Variants in DZIP3 observed in about 807,000 individuals in gnomAD.
The protein encoded by DZIP3 is E3 ubiquitin-protein ligase DZIP3.
A neutral mutation model predicts 162.0 loss-of-function variants in DZIP3; 118 were observed. The observed-to-expected ratio is 0.73, with a 90% CI of 0.63 to 0.85. The LOEUF (loss-of-function observed/expected upper bound fraction) is 0.85, where lower values mean the gene tolerates loss of function less well. DZIP3 is among the 40% of genes least tolerant of loss of function. The pLI, the probability that DZIP3 is intolerant of heterozygous loss-of-function variation, is 0.00. For missense variants in DZIP3, 1,331 were observed against 1,407.0 expected, an observed-to-expected ratio of 0.95 and a Z score of 0.86; for synonymous variants, 438 against 458.6, an observed-to-expected ratio of 0.96 and a Z score of 0.57.
intron 1 of DZIP3, chr3:108,590,063 C>G (rs958033005): frequency 6.6e-6 from 1 of 152,198 alleles, no homozygotes; most frequent in African/African-American, 2.4e-5. Flanking sequence ...CCAGGTATTG[C>G]TCCGGAGGGT....
chr3:108,623,484 A>T (rs1941460620), intron 5 of DZIP3, among the ~76,000 whole-genome samples: 1 of 152,120 alleles, frequency 6.6e-6, no homozygotes, highest in South Asian at 2.1e-4. Context: ...GAGCCTCAGG[A>T]TTCTACTGTG....
intron 21 of DZIP3, among the ~76,000 whole-genome samples, chr3:108,667,376 G>C (rs936685370): frequency 3.3e-5 from 5 of 152,074 alleles, no homozygotes; most frequent in African/African-American, 1.2e-4. Flanking sequence ...TATGCTGATT[G>C]AAAAAAGCCA....
chr3:108,667,878 T>C (rs2107331225), intron 21 of DZIP3, among the ~76,000 whole-genome samples: 1 of 152,128 alleles, frequency 6.6e-6, no homozygotes, highest in South Asian at 2.1e-4. Flanking sequence ...AACCTAGGCA[T>C]TGAAGGTTAG....
intron 3 of DZIP3, among the ~76,000 whole-genome samples, chr3:108,608,921 A>T (rs1388345448): frequency 6.6e-6 from 1 of 152,198 alleles, no homozygotes. Flanking sequence ...TAGGCTGGAC[A>T]GGAGGGGGCA....
rs1942524473 is a variant in DZIP3 at position 108,644,305 on chromosome 3, A to C, written c.1283A>C (p.His428Pro). 1 of 1,614,052 alleles carries C rather than the reference A, an allele frequency of 6.2e-7. No homozygotes were observed. Among genetic ancestry groups the C allele is most frequent in the Non-Finnish European group, 8.5e-7 (1 of 1,179,964 alleles). Residue 428 changes from histidine (H) to proline (P), a missense_variant, in exon 14 of 33, where the codon CAC becomes CCC. Around this residue, in one of 2 missense-constraint regions of DZIP3, gnomAD observed 1,278 missense variants for 1,317.1 expected, o/e 0.97. Transcript: ENST00000361582. ...CTTTTGAAAAAAGAGCTTCTTATAC[A>C]CAAGAATGTGCTGGAATCCTACTAC... The part of the protein sequence containing the change: ...PPLLKKELLI[H>P]KNVLESYYNH...
intron 19 of DZIP3, among the ~76,000 whole-genome samples, chr3:108,659,713 T>C (rs1040458461): frequency 6.6e-6 from 1 of 152,198 alleles, no homozygotes; most frequent in Non-Finnish European, 1.5e-5. Flanking sequence ...TGTTTGCAGA[T>C]GACATGATTG....
rs759892701 is a variant in DZIP3 at position 108,629,065 on chromosome 3, T to C, written c.585T>C (p.Tyr195=). 11 of 1,584,046 alleles carry C rather than the reference T, an allele frequency of 6.9e-6. No homozygotes were observed. Among genetic ancestry groups the C allele is most frequent in the South Asian group, 3.5e-5 (3 of 85,704 alleles). Reference sequence around the variant, plus strand: ...CTTATTTTAAAATGCCTTTCAGATATAATGGAGGACTGCTAGAATTTCATA... The same window carrying C: ...CTTATTTTAAAATGCCTTTCAGATACAATGGAGGACTGCTAGAATTTCATA... ...RGLLRCAQKR[Y]NGGLLEFHKS... Residue 195 remains tyrosine (Y), a synonymous_variant, in exon 8 of 33, where the codon TAT becomes TAC. Transcript: ENST00000361582.
At chr3:108,641,361 T>C (rs1037142697) in intron 12 of DZIP3, among the ~76,000 whole-genome samples, 1 of 152,194 alleles carries the variant, frequency 6.6e-6, no homozygotes, top group Non-Finnish European at 1.5e-5. Context: ...TTTAGTGTGA[T>C]TCCATTCTTA....
chr3:108,643,017 G>A (rs1163580295), intron 13 of DZIP3, among the ~76,000 whole-genome samples: 1 of 152,122 alleles, frequency 6.6e-6, no homozygotes, highest in African/African-American at 2.4e-5. Flanking sequence ...TAGTTTGGTG[G>A]CAGTCCAGCC....
chr3:108,625,784 T>C lies in DZIP3; in HGVS notation c.457-61T>C, dbSNP rs1941562492. Reference sequence around the variant, plus strand: ...TTCTCCAGTTTGAGAAGTAATTGTTTATTGTAAAAAAAAAAAAAATGACTT... The same window carrying C: ...TTCTCCAGTTTGAGAAGTAATTGTTCATTGTAAAAAAAAAAAAAATGACTT... On this transcript the variant is annotated intron_variant, in intron 6 of 32. Transcript: ENST00000361582. 5.7e-6 allele frequency: 8 copies of C among 1,404,220 alleles called. No individual in the cohort carries two copies. The South Asian group carries it at 6.0e-5, about 10-fold the overall frequency. 87.0% of individuals were successfully genotyped at this position (1,404,220 alleles called of 1,614,324 possible).
chr3:108,625,453 G>A (rs1038617212), intron 6 of DZIP3, among the ~76,000 whole-genome samples: 9 of 152,186 alleles, frequency 5.9e-5, no homozygotes, highest in East Asian at 5.8e-4. Flanking sequence ...AAAAGATGGC[G>A]TCTCACTATG....
intron 4 of DZIP3, among the ~76,000 whole-genome samples, chr3:108,612,777 CTATTTATT>C (rs1299468142): frequency 6.6e-6 from 1 of 151,850 alleles, no homozygotes; most frequent in African/African-American, 2.4e-5. Flanking sequence ...TGTATTCTTT[CTATTTATT>C]TATTTATTTA....
intron 26 of DZIP3, among the ~76,000 whole-genome samples, chr3:108,682,240 A>G (rs201350660): frequency 6.6e-6 from 1 of 150,936 alleles, no homozygotes; most frequent in Non-Finnish European, 1.5e-5. Flanking sequence ...TAAAAATACA[A>G]CTACCATATG....
intron 32 of DZIP3, among the ~76,000 whole-genome samples, chr3:108,692,160 T>C (rs1559791970): frequency 6.6e-6 from 1 of 152,104 alleles, no homozygotes; most frequent in Non-Finnish European, 1.5e-5. Flanking sequence ...TTTATATTTA[T>C]ATTTATATTA....
rs1356642421 is a variant in DZIP3 at position 108,614,856 on chromosome 3, CATA to C, written c.259-1680_259-1678del. 2.0e-5 allele frequency among the ~76,000 whole-genome samples: 3 copies of C among 152,276 alleles called. No homozygotes were observed. In the East Asian group the frequency reaches 5.8e-4, roughly 29 times the overall value. On this transcript the variant is annotated intron_variant, in intron 4 of 32. Coordinates refer to ENST00000361582, the MANE Select transcript of DZIP3 (RefSeq NM_014648.4). ...GCAGTGGCCCACCATGGGTAACTAG[CATA>C]ATAACACATCCTTTAATTAAAACCT...
intron 1 of DZIP3, among the ~76,000 whole-genome samples, chr3:108,590,306 A>G (rs1183234816): frequency 6.6e-6 from 1 of 152,252 alleles, no homozygotes; most frequent in Non-Finnish European, 1.5e-5. Context: ...ACCAGGATGT[A>G]GAAATTGTAA....
At chr3:108,680,093 G>A (rs542236518) in intron 26 of DZIP3, among the ~76,000 whole-genome samples, 8 of 152,040 alleles carry the variant, frequency 5.3e-5, no homozygotes, top group African/African-American at 7.2e-5. Context: ...AAAATTCAAC[G>A]TCAGTTTATG....
intron 26 of DZIP3, among the ~76,000 whole-genome samples, chr3:108,682,748 G>A (rs373100022): frequency 2.0e-5 from 3 of 150,830 alleles, no homozygotes; most frequent in East Asian, 3.9e-4. Context: ...AAAATGGCTA[G>A]AAGAGAGGAT....
rs538193619 is a variant in DZIP3 at position 108,685,841 on chromosome 3, T to G, written c.3010-604T>G. Among the ~76,000 whole-genome samples, 19 of 152,352 alleles carry G rather than the reference T, an allele frequency of 1.2e-4. No homozygotes were observed. In the South Asian group the frequency reaches 3.9e-3, roughly 32 times the overall value. ...CAATTGATCCCTAAGAAATAATCAC[T>G]TCTTACGCATTGTAATTTACAGACC... On this transcript the variant is annotated intron_variant, in intron 27 of 32. Coordinates refer to ENST00000361582, the MANE Select transcript of DZIP3 (RefSeq NM_014648.4).
Sources: allele counts gnomAD v4.1 joint callset (sites outside exome capture counted in the v4.1 genomes callset), GRCh38; gene constraint gnomAD v4.1.1; regional missense constraint gnomAD v4.1.1; transcripts MANE v1.5; gene names NCBI Gene and HGNC (gene_info 2026-07-23, HGNC 2026-07-21).